The following MDGA2 variants were observed in gnomAD, a reference collection of about 807,000 sequenced individuals.
The protein encoded by MDGA2 is MAM domain containing glycosylphosphatidylinositol anchor 2.
Under a neutral mutation model 117.8 loss-of-function variants are expected in MDGA2, and 40 were observed. That is an observed-to-expected ratio of 0.34 (90% CI 0.26 to 0.44). The LOEUF is 0.44. Ranked by LOEUF, MDGA2 falls within the 20% of genes least tolerant of loss-of-function variation. MDGA2 has a pLI of 1.00. For missense variants in MDGA2, 1,123 were observed against 1,250.6 expected (o/e 0.90, Z 1.54); for synonymous variants, 452 against 439.0 (o/e 1.03, Z -0.37).
intron 1 of MDGA2, among the ~76,000 whole-genome samples, chr14:47,480,148 C>T (rs939155057): frequency 6.6e-6 from 1 of 151,938 alleles, no homozygotes; most frequent in African/African-American, 2.4e-5. Context: ...TATTTAAAAA[C>T]TTCTAATGTA....
intron 1 of MDGA2, among the ~76,000 whole-genome samples, chr14:47,508,218 C>A (rs1894556666): frequency 6.6e-6 from 1 of 152,180 alleles, no homozygotes; most frequent in African/African-American, 2.4e-5. Flanking sequence ...CAGTTCCTTA[C>A]ACTATTTCTT....
At chr14:47,638,738 T>G (rs1332476561) in intron 1 of MDGA2, among the ~76,000 whole-genome samples, 1 of 152,182 alleles carries the variant, frequency 6.6e-6, no homozygotes, top group Non-Finnish European at 1.5e-5. Context: ...AACAGGCCTC[T>G]CTCATACAGG....
chr14:47,355,249 C>A (rs999422578), intron 1 of MDGA2, among the ~76,000 whole-genome samples: 5 of 152,212 alleles, frequency 3.3e-5, no homozygotes, highest in South Asian at 2.1e-4. Context: ...TATGATCAGC[C>A]CTGAATGAGG....
intron 8 of MDGA2, among the ~76,000 whole-genome samples, chr14:47,029,444 C>T (rs1888583705): frequency 1.3e-5 from 2 of 152,146 alleles, no homozygotes; most frequent in African/African-American, 2.4e-5. Flanking sequence ...TTACTTAACA[C>T]AATCTAACAC....
At chr14:47,208,530 CTTTT>C (rs35699705) in intron 3 of MDGA2, among the ~76,000 whole-genome samples, 4 of 142,296 alleles carry the variant, frequency 2.8e-5, no homozygotes, top group African/African-American at 1.0e-4. Context: ...TCTCTAAACT[CTTTT>C]TTTTTTTTTT....
chr14:47,115,628 A>C (rs1475853855), intron 5 of MDGA2, among the ~76,000 whole-genome samples: 2 of 152,078 alleles, frequency 1.3e-5, no homozygotes, highest in African/African-American at 4.8e-5. Context: ...TGTATCATTC[A>C]ACATAAGAAA....
chr14:47,558,449 T>C (rs914182395), intron 1 of MDGA2, among the ~76,000 whole-genome samples: 2 of 152,132 alleles, frequency 1.3e-5, no homozygotes, highest in Non-Finnish European at 2.9e-5. Flanking sequence ...TCTGGGGGAG[T>C]ACATTATTTG....
At chr14:46,856,479 T>A (rs1881273746) in intron 14 of MDGA2, among the ~76,000 whole-genome samples, 1 of 152,130 alleles carries the variant, frequency 6.6e-6, no homozygotes, top group African/African-American at 2.4e-5. Flanking sequence ...CTCCCTTTGC[T>A]AGATAACTAG....
intron 8 of MDGA2, among the ~76,000 whole-genome samples, chr14:46,964,919 C>CT (rs746778179): frequency 0.011 from 1,031 of 89,764 alleles, 67 homozygotes; most frequent in Middle Eastern, 0.022. Flanking sequence ...TATATATTTA[C>CT]TTTTTTTTTT....
Position 47,265,358 on chromosome 14 carries a change from A to G in MDGA2, c.420+36053T>C, listed in dbSNP as rs577417981. 2.2e-4 allele frequency among the ~76,000 whole-genome samples: 33 copies of G among 152,276 alleles called. No homozygotes were observed. In the South Asian group the frequency reaches 6.4e-3, roughly 30 times the overall value. On this transcript the variant is annotated intron_variant, in intron 2 of 16. Transcript: ENST00000399232. ...ATTGTGTTTAAGAATAATCTTTCAC[A>G]GGCCATGAAGAGATGGCTCTAGCAC...
chr14:47,248,877 T>C (rs1013905695), intron 2 of MDGA2, among the ~76,000 whole-genome samples: 3 of 152,162 alleles, frequency 2.0e-5, no homozygotes, highest in Admixed American at 6.5e-5. Flanking sequence ...TATTTGGTGA[T>C]ATTACCATTG....
chr14:47,076,633 C>G (rs1460512138), intron 6 of MDGA2, among the ~76,000 whole-genome samples: 2 of 151,672 alleles, frequency 1.3e-5, no homozygotes, highest in Non-Finnish European at 2.9e-5. Context: ...TCTTTAATTA[C>G]TCTGACTCTC....
chr14:46,995,113 A>G (rs868194806), intron 8 of MDGA2, among the ~76,000 whole-genome samples: 3 of 152,180 alleles, frequency 2.0e-5, no homozygotes, highest in Non-Finnish European at 4.4e-5. Flanking sequence ...ATGGCGATAA[A>G]TATTTTATGA....
intron 10 of MDGA2, among the ~76,000 whole-genome samples, chr14:46,904,861 T>C: frequency 6.6e-6 from 1 of 152,184 alleles, no homozygotes; most frequent in South Asian, 2.1e-4. Context: ...GCTTTCAACA[T>C]CCTTGTTTCT....
intron 1 of MDGA2, among the ~76,000 whole-genome samples, chr14:47,493,461 C>T (rs763957119): frequency 4.0e-4 from 60 of 151,674 alleles, no homozygotes; most frequent in Non-Finnish European, 5.9e-4. Flanking sequence ...ATTACAGGTG[C>T]GCACCACTAC....
At chr14:47,470,474 CA>C (rs1398001918) in intron 1 of MDGA2, among the ~76,000 whole-genome samples, 1 of 152,104 alleles carries the variant, frequency 6.6e-6, no homozygotes, top group Non-Finnish European at 1.5e-5. Flanking sequence ...CATAGTATTC[CA>C]TGGTGTATAT....
chr14:47,192,353 T>C (rs1885146236), intron 3 of MDGA2, among the ~76,000 whole-genome samples: 1 of 152,116 alleles, frequency 6.6e-6, no homozygotes, highest in East Asian at 1.9e-4. Context: ...AGGTGACTCA[T>C]GCCTGTCAGC....
intron 1 of MDGA2, among the ~76,000 whole-genome samples, chr14:47,638,495 A>G (rs1897363850): frequency 6.6e-6 from 1 of 152,156 alleles, no homozygotes; most frequent in Non-Finnish European, 1.5e-5. Flanking sequence ...AGAAGTAGGA[A>G]TTACAGATCT....
At chr14:47,255,556 T>C (rs1400038132) in intron 2 of MDGA2, among the ~76,000 whole-genome samples, 10 of 152,238 alleles carry the variant, frequency 6.6e-5, no homozygotes, top group Admixed American at 6.5e-4. Flanking sequence ...GAAGTTTTCC[T>C]AGGCCCTAAC....
Sources: allele counts gnomAD v4.1 joint callset (sites outside exome capture counted in the v4.1 genomes callset), GRCh38; gene constraint gnomAD v4.1.1; transcripts MANE v1.5; gene names NCBI Gene and HGNC (gene_info 2026-07-23, HGNC 2026-07-21).